Variants in TRPM3 observed in about 807,000 individuals in gnomAD.
TRPM3 encodes the protein long transient receptor potential channel 3.
A neutral mutation model predicts 181.2 loss-of-function variants in TRPM3; 77 were observed. The observed-to-expected ratio is 0.42, with a 90% CI of 0.35 to 0.51. The LOEUF is 0.51. Among genes scored for constraint, TRPM3 ranks in the 20% least tolerant of loss-of-function variants. TRPM3 has a pLI of 0.01. For missense variants in TRPM3, 1,759 were observed against 2,196.7 expected (o/e 0.80, Z 3.98); for synonymous variants, 745 against 796.4 (o/e 0.94, Z 1.09).
intron 1 of TRPM3, among the ~76,000 whole-genome samples, chr9:71,414,390 T>A (rs1361335052): frequency 6.6e-6 from 1 of 152,122 alleles, no homozygotes; most frequent in Non-Finnish European, 1.5e-5. Context: ...CTTAAGAGCT[T>A]ATTCATTGAT....
At chr9:70,995,656 A>G (rs2097534984) in intron 1 of TRPM3, among the ~76,000 whole-genome samples, 1 of 152,214 alleles carries the variant, frequency 6.6e-6, no homozygotes, top group African/African-American at 2.4e-5. Context: ...CACCAGAACA[A>G]GAGCCATTTG....
At chr9:70,945,644 A>G (rs1405578991) in intron 1 of TRPM3, among the ~76,000 whole-genome samples, 3 of 152,152 alleles carry the variant, frequency 2.0e-5, no homozygotes, top group Admixed American at 6.6e-5. Flanking sequence ...CCTTCTTTGG[A>G]TTTCAGCTGA....
chr9:71,114,845 A>G (rs918922154), intron 1 of TRPM3, among the ~76,000 whole-genome samples: 8 of 152,186 alleles, frequency 5.3e-5, no homozygotes, highest in African/African-American at 1.9e-4. Flanking sequence ...TATTTTTAGG[A>G]GCTCTCGTTC....
chr9:71,138,644 T>C (rs1457420823), intron 1 of TRPM3, among the ~76,000 whole-genome samples: 1 of 152,192 alleles, frequency 6.6e-6, no homozygotes, highest in Non-Finnish European at 1.5e-5. Flanking sequence ...TATTTCAATA[T>C]GGTTGTTTTA....
chr9:70,566,219 G>A (rs2050540631), intron 22 of TRPM3, among the ~76,000 whole-genome samples: 1 of 152,154 alleles, frequency 6.6e-6, no homozygotes, highest in Non-Finnish European at 1.5e-5. Flanking sequence ...GGTGTGATGC[G>A]GGAAGCCCAC....
At chr9:71,048,975 G>T (rs141684019) in intron 1 of TRPM3, among the ~76,000 whole-genome samples, 1 of 152,274 alleles carries the variant, frequency 6.6e-6, no homozygotes, top group East Asian at 1.9e-4. Flanking sequence ...ATGAAAGCAG[G>T]TGGAAATTAT....
chr9:70,947,828 G>C (rs1435806384), intron 1 of TRPM3, among the ~76,000 whole-genome samples: 1 of 152,180 alleles, frequency 6.6e-6, no homozygotes, highest in African/African-American at 2.4e-5. Context: ...GGGAAATGCA[G>C]ATTGTAGCTT....
In TRPM3 at chr9:71,251,277, C is replaced by T. The variant is rs79482841; in HGVS notation, c.183+195376G>A. On this transcript the variant is annotated intron_variant, in intron 1 of 24. Transcript: ENST00000357533. Reference sequence around the variant, plus strand: ...AATACAAAGATTAATGCTCACACTGCCTTATTCACCAGTTATAATTCTTCA... The same window carrying T: ...AATACAAAGATTAATGCTCACACTGTCTTATTCACCAGTTATAATTCTTCA... Among the ~76,000 whole-genome samples, 509 of 152,188 alleles carry T rather than the reference C, an allele frequency of 3.3e-3. 1 individual carries two copies. The highest frequency in any genetic ancestry group is 0.012 in the African/African-American group (483 of 41,530).
chr9:71,208,614 A>G (rs1041321204), intron 1 of TRPM3, among the ~76,000 whole-genome samples: 47 of 152,350 alleles, frequency 3.1e-4, no homozygotes, highest in African/African-American at 1.1e-3. Context: ...GAAGTCAATC[A>G]AAATAAAATA....
chr9:71,345,484 A>G (rs1486923307), intron 1 of TRPM3, among the ~76,000 whole-genome samples: 1 of 152,116 alleles, frequency 6.6e-6, no homozygotes, highest in Non-Finnish European at 1.5e-5. Flanking sequence ...GCAAACAAAC[A>G]CAGCAACAGA....
intron 1 of TRPM3, among the ~76,000 whole-genome samples, chr9:70,995,434 T>A (rs1315628783): frequency 2.0e-5 from 3 of 152,202 alleles, no homozygotes; most frequent in Non-Finnish European, 4.4e-5. Flanking sequence ...TTTAAAAAAA[T>A]TCTCACCATT....
chr9:70,540,641 A>C (rs1047636678), intron 25 of TRPM3, among the ~76,000 whole-genome samples: 6 of 152,244 alleles, frequency 3.9e-5, no homozygotes, highest in Non-Finnish European at 7.3e-5. Flanking sequence ...TTGAGAGTGC[A>C]GTGAGCTATG....
At chr9:70,925,715 A>C (rs35095828) in intron 1 of TRPM3, among the ~76,000 whole-genome samples, 14,207 of 152,056 alleles carry the variant, frequency 0.093, 768 homozygotes, top group African/African-American at 0.15. Context: ...TCATTTTCCA[A>C]AATAATTTGA....
chr9:70,894,032 G>A (rs1246304419), intron 1 of TRPM3, among the ~76,000 whole-genome samples: 1 of 152,198 alleles, frequency 6.6e-6, no homozygotes, highest in African/African-American at 2.4e-5. Context: ...GGTCACGGAT[G>A]TCCAGGAACT....
chr9:71,147,297 G>A (rs184087302), intron 1 of TRPM3, among the ~76,000 whole-genome samples: 1 of 152,138 alleles, frequency 6.6e-6, no homozygotes, highest in East Asian at 1.9e-4. Flanking sequence ...ACTGTCTTAT[G>A]TAGAGCATTA....
At chr9:70,743,154 G>T (rs983701636) in intron 8 of TRPM3, among the ~76,000 whole-genome samples, 1 of 152,178 alleles carries the variant, frequency 6.6e-6, no homozygotes, top group Non-Finnish European at 1.5e-5. Flanking sequence ...TTAGACTAGA[G>T]TACAAGTAGT....
At chr9:71,293,430 C>G (rs75608652) in intron 1 of TRPM3, among the ~76,000 whole-genome samples, 1,566 of 151,784 alleles carry the variant, frequency 0.01, 21 homozygotes, top group East Asian at 0.074. Context: ...CTTTTAAATA[C>G]AACAAATTAG....
At chr9:71,081,515 A>G (rs761031172) in intron 1 of TRPM3, among the ~76,000 whole-genome samples, 2 of 152,208 alleles carry the variant, frequency 1.3e-5, no homozygotes, top group African/African-American at 2.4e-5. Flanking sequence ...CAAACAAGGG[A>G]AGTTTTTTGA....
intron 1 of TRPM3, among the ~76,000 whole-genome samples, chr9:71,137,019 T>C (rs1399502436): frequency 6.6e-6 from 1 of 152,196 alleles, no homozygotes; most frequent in African/African-American, 2.4e-5. Flanking sequence ...CTCTAGCATC[T>C]GTGTAGAAAA....
Sources: allele counts gnomAD v4.1 joint callset (sites outside exome capture counted in the v4.1 genomes callset), GRCh38; gene constraint gnomAD v4.1.1; transcripts MANE v1.5; gene names NCBI Gene and HGNC (gene_info 2026-07-23, HGNC 2026-07-21).